The following ENPP2 variants were observed in gnomAD, a reference collection of about 807,000 sequenced individuals.
The protein encoded by ENPP2 is autotaxin.
In ENPP2, 51 loss-of-function variants were observed where a neutral mutation model predicts 120.2. The observed-to-expected ratio is 0.42, with a 90% confidence interval of 0.34 to 0.54. The LOEUF (loss-of-function observed/expected upper bound fraction) is 0.54, where lower values mean the gene tolerates loss of function less well. ENPP2 is among the 20% of genes least tolerant of loss of function. ENPP2 has a pLI of 0.04. For missense variants in ENPP2, 920 were observed against 1,066.5 expected (o/e 0.86, Z 1.91); for synonymous variants, 365 against 366.4 (o/e 1.00, Z 0.04).
chr8:119,657,009 C>G lies in ENPP2; in HGVS notation c.21+16243G>C, dbSNP rs555260610. ...ATGGCACTATCTTGGCTCAGTGCAA[C>G]CTCTGCCTCCCAGTTTCAAGCGATT... On this transcript the variant is annotated intron_variant, in intron 1 of 25. Coordinates refer to the ENPP2 transcript ENST00000427067. Among the ~76,000 whole-genome samples, 6 of 152,188 alleles carry G rather than the reference C, an allele frequency of 3.9e-5. No homozygotes were observed. In the South Asian group the frequency reaches 1.2e-3, roughly 32 times the overall value.
At chr8:119,599,479 G>A (rs780683259) in intron 11 of ENPP2, among the ~76,000 whole-genome samples, 6 of 152,098 alleles carry the variant, frequency 3.9e-5, no homozygotes, top group Non-Finnish European at 7.4e-5. Flanking sequence ...TAATTCATCT[G>A]AAAACAATGA....
At chr8:119,625,013 T>C (rs556591035) in intron 3 of ENPP2, among the ~76,000 whole-genome samples, 2 of 152,318 alleles carry the variant, frequency 1.3e-5, no homozygotes, top group African/African-American at 4.8e-5. Context: ...AACAAAGGCA[T>C]GAACTACATT....
chr8:119,642,481 CA>C (rs574111693), upstream of ENPP2, among the ~76,000 whole-genome samples: 4 of 151,068 alleles, frequency 2.6e-5, no homozygotes, highest in Admixed American at 6.6e-5. Context: ...TATGTTTCCT[CA>C]AAAAAAAGAT....
intron 1 of ENPP2, among the ~76,000 whole-genome samples, chr8:119,654,396 TTAA>T: frequency 6.9e-6 from 1 of 144,704 alleles, no homozygotes; most frequent in East Asian, 2.0e-4. Flanking sequence ...TATCTAGATA[TTAA>T]TATCTAGATA....
At chr8:119,569,391 C>T in intron 20 of ENPP2, 21 bp from the exon 21 acceptor site, 1 of 1,613,168 alleles carries the variant, frequency 6.2e-7, no homozygotes, top group East Asian at 2.2e-5. Flanking sequence ...GTCAGAGGCA[C>T]TCAGCAATGC....
At chr8:119,665,577 T>C (rs943424431) in intron 1 of ENPP2, among the ~76,000 whole-genome samples, 2 of 152,208 alleles carry the variant, frequency 1.3e-5, no homozygotes, top group Non-Finnish European at 2.9e-5. Flanking sequence ...TCAAACTCAA[T>C]TTTTTGTTCA....
At chr8:119,564,700 A>G in intron 23 of ENPP2, 123 bp downstream of exon 23, 1 of 440,520 alleles carries the variant, frequency 2.3e-6, no homozygotes, top group South Asian at 5.9e-5. Flanking sequence ...ATATATATAT[A>G]TTGAAAAATT....
intron 20 of ENPP2, among the ~76,000 whole-genome samples, chr8:119,569,686 T>C (rs1283204087): frequency 6.6e-6 from 1 of 151,560 alleles, no homozygotes. Context: ...AGATAACTTA[T>C]AAAATAACAC....
chr8:119,619,195 T>C, intron 5 of ENPP2, 49 bp downstream of exon 5: 2 of 1,263,324 alleles, frequency 1.6e-6, no homozygotes, highest in African/African-American at 3.0e-5. Context: ...CCTGTGAGAG[T>C]TTATCAGCTA....
intron 19 of ENPP2, among the ~76,000 whole-genome samples, chr8:119,575,476 CAA>C (rs1249387941): frequency 6.6e-6 from 1 of 152,058 alleles, no homozygotes; most frequent in African/African-American, 2.4e-5. Flanking sequence ...TTTTGTTGAG[CAA>C]AGAGTCTCTC....
Position 119,625,843 on chromosome 8 carries a change from G to A in ENPP2, c.292+722C>T, listed in dbSNP as rs190298498. Among the ~76,000 whole-genome samples, 8 of 152,282 alleles carry A rather than the reference G, an allele frequency of 5.3e-5. No individual in the cohort carries two copies. In the East Asian group the frequency reaches 1.5e-3, roughly 29 times the overall value. On this transcript the variant is annotated intron_variant, in intron 3 of 24. Transcript: ENST00000075322. ...TTCATACAGAAGCCTGTACATCCTAGTAACTGTTCCAGCACAAAAGAAATG... is the reference window on the plus strand; with the variant it reads ...TTCATACAGAAGCCTGTACATCCTAATAACTGTTCCAGCACAAAAGAAATG...
intron 1 of ENPP2, among the ~76,000 whole-genome samples, chr8:119,661,703 A>G (rs1340658482): frequency 6.6e-6 from 1 of 152,220 alleles, no homozygotes; most frequent in Admixed American, 6.5e-5. Flanking sequence ...AGCACGTTGA[A>G]GAGATATCTG....
chr8:119,616,078 A>C (rs568185053), intron 8 of ENPP2, among the ~76,000 whole-genome samples, 187 bp downstream of exon 8: 2 of 151,794 alleles, frequency 1.3e-5, no homozygotes, highest in East Asian at 3.9e-4. Flanking sequence ...CATATTTCAG[A>C]TATATATATA....
chr8:119,644,230 G>T (rs1189475016), intron 1 of ENPP2, among the ~76,000 whole-genome samples: 1 of 152,080 alleles, frequency 6.6e-6, no homozygotes, highest in Non-Finnish European at 1.5e-5. Flanking sequence ...GGATATAGCA[G>T]ATCAGTTTGG....
intron 1 of ENPP2, among the ~76,000 whole-genome samples, chr8:119,671,090 C>T (rs537447984): frequency 2.0e-4 from 29 of 145,418 alleles, no homozygotes; most frequent in Non-Finnish European, 3.6e-4. Flanking sequence ...AGTTCAAAAC[C>T]AGCCTGGCTA....
At chr8:119,610,729 C>T (rs1815043039) in intron 8 of ENPP2, among the ~76,000 whole-genome samples, 1 of 151,870 alleles carries the variant, frequency 6.6e-6, no homozygotes, top group South Asian at 2.1e-4. Flanking sequence ...ATGGTGAAAC[C>T]CATCTCTACT....
chr8:119,654,133 CAG>C (rs1370907590), intron 1 of ENPP2, among the ~76,000 whole-genome samples: 2 of 140,830 alleles, frequency 1.4e-5, no homozygotes, highest in Non-Finnish European at 3.0e-5. Flanking sequence ...ATATTATATA[CAG>C]AGATATAATA....
intron 1 of ENPP2, among the ~76,000 whole-genome samples, chr8:119,652,473 C>T (rs897859609): frequency 1.2e-4 from 18 of 152,118 alleles, no homozygotes; most frequent in African/African-American, 3.6e-4. Flanking sequence ...TTGCAGAAAT[C>T]GTTATAGAAA....
intron 20 of ENPP2, among the ~76,000 whole-genome samples, chr8:119,569,994 C>A (rs1452373147): frequency 6.6e-6 from 1 of 152,022 alleles, no homozygotes; most frequent in Non-Finnish European, 1.5e-5. Context: ...CAGGGCCAGG[C>A]GTGGTGGCTC....
Sources: allele counts gnomAD v4.1 joint callset (sites outside exome capture counted in the v4.1 genomes callset), GRCh38; gene constraint gnomAD v4.1.1; transcripts MANE v1.5; gene names NCBI Gene and HGNC (gene_info 2026-07-23, HGNC 2026-07-21).